CHRM3: variants seen among roughly 807,000 people sequenced by gnomAD.
CHRM3 encodes muscarinic acetylcholine receptor M3.
A neutral mutation model predicts 41.8 loss-of-function variants in CHRM3; 11 were observed. The observed-to-expected ratio is 0.26, with a 90% CI of 0.17 to 0.44. The LOEUF is 0.44. Ranked by LOEUF, CHRM3 falls within the 20% of genes least tolerant of loss-of-function variation. CHRM3 has a pLI of 1.00. For synonymous variants in CHRM3, 297 were observed against 301.4 expected (o/e 0.99, Z 0.15); for missense variants, 571 against 745.4 (o/e 0.77, Z 2.72).
intron 1 of CHRM3, among the ~76,000 whole-genome samples, chr1:239,430,381 A>C (rs1281913430): frequency 6.6e-6 from 1 of 152,164 alleles, no homozygotes; most frequent in Non-Finnish European, 1.5e-5. Context: ...TAGATGCCCA[A>C]AACAGATACA....
At chr1:239,618,747 G>C (rs1667990619) in intron 3 of CHRM3, among the ~76,000 whole-genome samples, 1 of 149,198 alleles carries the variant, frequency 6.7e-6, no homozygotes. Flanking sequence ...GGGAGGCTGA[G>C]GCAGGAGAAT....
intron 1 of CHRM3, among the ~76,000 whole-genome samples, chr1:239,486,951 A>T (rs146347784): frequency 6.6e-6 from 1 of 152,206 alleles, no homozygotes; most frequent in Non-Finnish European, 1.5e-5. Context: ...ATGAAGAACC[A>T]TTTGCTCTAT....
chr1:239,472,096 T>C (rs1666169038), intron 1 of CHRM3, among the ~76,000 whole-genome samples: 1 of 152,164 alleles, frequency 6.6e-6, no homozygotes, highest in South Asian at 2.1e-4. Context: ...TATTACTTCA[T>C]AGGCAGATAG....
intron 2 of CHRM3, among the ~76,000 whole-genome samples, chr1:239,499,833 C>T (rs1668109483): frequency 6.6e-6 from 1 of 152,134 alleles, no homozygotes; most frequent in Non-Finnish European, 1.5e-5. Context: ...CTATCTTCAG[C>T]CTCCTCAAAC....
At chr1:239,653,199 T>A (rs1455482643) in intron 4 of CHRM3, among the ~76,000 whole-genome samples, 1 of 152,054 alleles carries the variant, frequency 6.6e-6, no homozygotes, top group Non-Finnish European at 1.5e-5. Flanking sequence ...GATGGAAAAT[T>A]CCTAAGAGGA....
rs182188162 is a variant in CHRM3, at chr1:239,556,298, T to G, written c.-313+10549T>G. 2.6e-3 allele frequency among the ~76,000 whole-genome samples: 399 copies of G among 152,282 alleles called. 2 individuals are homozygous for G. The highest frequency in any genetic ancestry group is 4.8e-3 in the Non-Finnish European group (327 of 68,016). ...AATACACACGTGAGCCACAGAATATTTTTGGAGTCATTCCTGACAATTTAT... is the reference window on the plus strand; with the variant it reads ...AATACACACGTGAGCCACAGAATATGTTTGGAGTCATTCCTGACAATTTAT... On this transcript the variant is annotated intron_variant, in intron 3 of 6. Coordinates refer to ENST00000676153, the MANE Select transcript of CHRM3 (RefSeq NM_001375978.1).
At chr1:239,878,376 A>G (rs999137105) in intron 6 of CHRM3, among the ~76,000 whole-genome samples, 10 of 152,026 alleles carry the variant, frequency 6.6e-5, no homozygotes, top group African/African-American at 2.2e-4. Flanking sequence ...TTGTGCTCCT[A>G]TGAAAATCCA....
intron 5 of CHRM3, among the ~76,000 whole-genome samples, chr1:239,757,544 G>T (rs1298511878): frequency 6.6e-6 from 1 of 151,842 alleles, no homozygotes; most frequent in African/African-American, 2.4e-5. Context: ...GCAGGAGAAT[G>T]GCGTGAACCC....
chr1:239,828,581 C>G (rs180945911), intron 6 of CHRM3, among the ~76,000 whole-genome samples: 83 of 152,146 alleles, frequency 5.5e-4, no homozygotes, highest in African/African-American at 1.7e-3. Flanking sequence ...GGGACCAGGT[C>G]AATGAAGACA....
At chr1:239,505,942 T>C (rs115285550) in intron 2 of CHRM3, among the ~76,000 whole-genome samples, 7,033 of 152,196 alleles carry the variant, frequency 0.046, 525 homozygotes, top group African/African-American at 0.15. Context: ...GGCAAAGAGA[T>C]TGGTGGCATT....
At chr1:239,515,593 G>C (rs1481495637) in intron 2 of CHRM3, among the ~76,000 whole-genome samples, 1 of 152,142 alleles carries the variant, frequency 6.6e-6, no homozygotes, top group East Asian at 1.9e-4. Flanking sequence ...TTTTCCAAAA[G>C]CTTGCCACAT....
chr1:239,888,029 G>A (rs907273727), intron 6 of CHRM3, among the ~76,000 whole-genome samples: 10 of 152,168 alleles, frequency 6.6e-5, no homozygotes, highest in African/African-American at 1.2e-4. Flanking sequence ...TGTTTAAGTC[G>A]TGGTCTTGAT....
intron 2 of CHRM3, among the ~76,000 whole-genome samples, chr1:239,542,562 C>T (rs1381878312): frequency 1.3e-5 from 2 of 152,106 alleles, no homozygotes; most frequent in Non-Finnish European, 2.9e-5. Flanking sequence ...CATATTTTGT[C>T]TTACAACTCT....
intron 2 of CHRM3, among the ~76,000 whole-genome samples, chr1:239,508,679 A>G (rs1668731655): frequency 6.6e-6 from 1 of 152,190 alleles, no homozygotes; most frequent in Non-Finnish European, 1.5e-5. Context: ...TTATTAGCGA[A>G]GTGCTTTTGA....
At chr1:239,666,259 A>G (rs899895348) in intron 4 of CHRM3, among the ~76,000 whole-genome samples, 2 of 149,708 alleles carry the variant, frequency 1.3e-5, no homozygotes, top group South Asian at 4.2e-4. Context: ...CAGTGGCTTG[A>G]TCTTGGCTCA....
intron 6 of CHRM3, among the ~76,000 whole-genome samples, chr1:239,882,747 G>A (rs1677749663): frequency 6.6e-6 from 1 of 152,234 alleles, no homozygotes; most frequent in South Asian, 2.1e-4. Flanking sequence ...AATATCATAT[G>A]TGTGTGCTAC....
intron 4 of CHRM3, among the ~76,000 whole-genome samples, chr1:239,654,162 G>T (rs1346987750): frequency 6.6e-6 from 1 of 151,810 alleles, no homozygotes; most frequent in Non-Finnish European, 1.5e-5. Context: ...AGAGATGGGG[G>T]TCTCACTACG....
At chr1:239,653,159 G>A (rs1672390835) in intron 4 of CHRM3, among the ~76,000 whole-genome samples, 1 of 152,104 alleles carries the variant, frequency 6.6e-6, no homozygotes, top group East Asian at 1.9e-4. Context: ...AAGTGGGGAT[G>A]TATAGCCAAG....
chr1:239,434,256 C>A (rs2103196332), intron 1 of CHRM3, among the ~76,000 whole-genome samples: 1 of 152,306 alleles, frequency 6.6e-6, no homozygotes, highest in East Asian at 1.9e-4. Context: ...CTGAACAAGT[C>A]TCTCTCTAGT....
Sources: allele counts gnomAD v4.1 joint callset (sites outside exome capture counted in the v4.1 genomes callset), GRCh38; gene constraint gnomAD v4.1.1; transcripts MANE v1.5; gene names NCBI Gene and HGNC (gene_info 2026-07-23, HGNC 2026-07-21).